Variants in KIRREL3 observed in about 807,000 individuals in gnomAD.
KIRREL3 encodes the protein kin of IRRE-like protein 3.
In KIRREL3, 36 loss-of-function variants were observed where a neutral mutation model predicts 89.7. The ratio of observed to expected loss-of-function variants is 0.40; its 90% CI spans 0.31 to 0.53. The LOEUF (loss-of-function observed/expected upper bound fraction) is 0.53. Ranked by LOEUF, KIRREL3 falls within the 20% of genes least tolerant of loss-of-function variation. KIRREL3 has a pLI of 0.49. For synonymous variants in KIRREL3, 445 were observed against 441.4 expected (o/e 1.01, Z -0.10); for missense variants, 864 against 1,056.6 (o/e 0.82, Z 2.53).
rs748876094 is a variant in KIRREL3 at position 126,515,159 on chromosome 11, C to T, written c.433+6156G>A. On this transcript the variant is annotated intron_variant, in intron 4 of 16. Coordinates refer to ENST00000525144, the MANE Select transcript of KIRREL3 (RefSeq NM_032531.4). The surrounding 1 kb of genome is among the most constrained non-coding windows in gnomAD (Gnocchi z 4.2). ...TAAGGAGGCTGGGCGCGATGGCTCA[C>T]GCCTGTAATCTCAGCATTTTAGGAG... 3.9e-5 allele frequency among the ~76,000 whole-genome samples: 6 copies of T among 152,192 alleles called. No homozygotes were observed. Among genetic ancestry groups the T allele is most frequent in the East Asian group, 3.9e-4 (2 of 5,190 alleles).
intron 1 of KIRREL3, among the ~76,000 whole-genome samples, chr11:126,982,493 T>C (rs1256416235): frequency 6.6e-6 from 1 of 152,210 alleles, no homozygotes; most frequent in African/African-American, 2.4e-5. Flanking sequence ...TTAAAGTACA[T>C]TAACTGAACT....
At position 126,431,257 on chromosome 11, in the gene KIRREL3, C is replaced by G. The variant is rs1955116978; in HGVS notation, c.1696+162G>C. 8 of 1,537,348 alleles carry G rather than the reference C, an allele frequency of 5.2e-6. No homozygotes were observed. In the South Asian group the frequency reaches 9.6e-5, roughly 19 times the overall value. Reference sequence around the variant, plus strand: ...TCTGCCAGGCGCCATGTTGCCCAGGCTCACATACACCGATGCATCAGACCC... The same window carrying G: ...TCTGCCAGGCGCCATGTTGCCCAGGGTCACATACACCGATGCATCAGACCC... On this transcript the variant is annotated intron_variant, in intron 14 of 16. Transcript: ENST00000525144. The surrounding 1 kb of genome is among the most constrained non-coding windows in gnomAD (Gnocchi z 7.1).
chr11:126,456,317 C>T (rs1328408991), intron 7 of KIRREL3, 32 bp downstream of exon 7: 4 of 1,465,668 alleles, frequency 2.7e-6, no homozygotes, highest in Non-Finnish European at 3.7e-6. Flanking sequence ...GGGCCAGTGG[C>T]CAGGCCGGGC....
At position 126,486,422 on chromosome 11, in the gene KIRREL3, G is replaced by C. The variant is rs1276420881; in HGVS notation, c.434-12956C>G. ...AGCGAGAGACTTTCTCCTTTCTCCA[G>C]CCCAGCTCCTATGCTGATGGCTGCA... On this transcript the variant is annotated intron_variant, in intron 4 of 16. Coordinates refer to ENST00000525144, the MANE Select transcript of KIRREL3 (RefSeq NM_032531.4). This position sits in a 1 kb window ranked among gnomAD's most constrained non-coding sequence, Gnocchi z 6.2. 4.6e-5 allele frequency among the ~76,000 whole-genome samples: 7 copies of C among 152,318 alleles called. No individual in the cohort carries two copies. The highest frequency in any genetic ancestry group is 7.4e-5 in the Non-Finnish European group (5 of 68,024).
In KIRREL3 at chr11:126,587,102, G is replaced by C. The variant is rs758111588; in HGVS notation, c.56-24190C>G. 4.6e-5 allele frequency among the ~76,000 whole-genome samples: 7 copies of C among 152,172 alleles called. No homozygotes were observed. The highest frequency in any genetic ancestry group is 1.0e-4 in the Non-Finnish European group (7 of 68,038). ...GCAACGACGATGCAGTGTGATGGAT[G>C]CTCCAGTGGAAGAGTCCAGAGCACC... is the stretch of plus-strand genomic sequence containing the variant. On this transcript the variant is annotated intron_variant, in intron 1 of 16. Transcript: ENST00000525144. This position sits in a 1 kb window ranked among gnomAD's most constrained non-coding sequence, Gnocchi z 5.2.
intron 15 of KIRREL3, 97 bp from the exon 16 acceptor site, chr11:126,425,821 G>T: frequency 1.0e-6 from 1 of 955,500 alleles, no homozygotes; most frequent in Non-Finnish European, 1.6e-6. Flanking sequence ...AGATTGCCCT[G>T]TATAACCCCC....
rs141241727 is a variant in KIRREL3 at position 126,781,808 on chromosome 11, T to G, written c.55+218647A>C. 2.1e-3 allele frequency among the ~76,000 whole-genome samples: 315 copies of G among 152,268 alleles called. 1 individual carries two copies. In the South Asian group the frequency reaches 0.025, roughly 12 times the overall value. ...CAAGAATAAAAGGAATGATGTTGCT[T>G]TTAAAAAAATTGAATATCATCAAAA... On this transcript the variant is annotated intron_variant, in intron 1 of 16. Transcript: ENST00000525144.
Position 126,908,012 on chromosome 11 carries a change from C to T in KIRREL3, c.55+92443G>A, listed in dbSNP as rs572340064. Among the ~76,000 whole-genome samples the T allele has an allele frequency of 4.6e-5, 7 of 152,218 alleles. No homozygotes were observed. Among genetic ancestry groups the T allele is most frequent in the East Asian group, 3.9e-4 (2 of 5,170 alleles). ...TTCTTGACCACCTGTGATGTCACAC[C>T]GCCACCCAAAAGACACCCCCCAAAT... On this transcript the variant is annotated intron_variant, in intron 1 of 16. Coordinates refer to ENST00000525144, the MANE Select transcript of KIRREL3 (RefSeq NM_032531.4). This position sits in a 1 kb window ranked among gnomAD's most constrained non-coding sequence, Gnocchi z 4.2.
rs1955040465 is a variant in KIRREL3, at chr11:126,429,150, G to A, written c.1806+29C>T. 2 of 1,409,542 alleles carry A rather than the reference G, an allele frequency of 1.4e-6. No individual in the cohort carries two copies. Among genetic ancestry groups the A allele is most frequent in the Admixed American group, 3.4e-5 (2 of 58,718 alleles). 87.3% of individuals were successfully genotyped at this position (1,409,542 alleles called of 1,614,324 possible). A position where few individuals can be genotyped will look rare whatever the true frequency, so the allele number is the denominator to read the frequency against. ...GGACCTTCTGGGAATGGAGTCACGGGATGGGATGGGGCGTAATTGCATTCT... is the reference window on the plus strand; with the variant it reads ...GGACCTTCTGGGAATGGAGTCACGGAATGGGATGGGGCGTAATTGCATTCT... On this transcript the variant is annotated intron_variant, in intron 15 of 16. Coordinates refer to ENST00000525144, the MANE Select transcript of KIRREL3 (RefSeq NM_032531.4). The surrounding 1 kb of genome is among the most constrained non-coding windows in gnomAD (Gnocchi z 5.2).
At position 126,635,399 on chromosome 11, in the gene KIRREL3, G is replaced by A. The variant is rs1394437393; in HGVS notation, c.56-72487C>T. On this transcript the variant is annotated intron_variant, in intron 1 of 16. Coordinates refer to ENST00000525144, the MANE Select transcript of KIRREL3 (RefSeq NM_032531.4). This position sits in a 1 kb window ranked among gnomAD's most constrained non-coding sequence, Gnocchi z 4.0. ...CCTCAGGGTTATGTTATGGATTGGAGGGAGCAGAGAAGCTTCCTCATTAAA... is the reference window on the plus strand; with the variant it reads ...CCTCAGGGTTATGTTATGGATTGGAAGGAGCAGAGAAGCTTCCTCATTAAA... Among the ~76,000 whole-genome samples, 2 of 152,224 alleles carry A rather than the reference G, an allele frequency of 1.3e-5. No individual in the cohort carries two copies. The highest frequency in any genetic ancestry group is 2.9e-5 in the Non-Finnish European group (2 of 68,046).
At chr11:126,932,012 T>A (rs1947967379) in intron 1 of KIRREL3, among the ~76,000 whole-genome samples, 1 of 152,224 alleles carries the variant, frequency 6.6e-6, no homozygotes, top group Non-Finnish European at 1.5e-5. Context: ...TCAAGGAGGC[T>A]TGGTATTGAT....
At chr11:126,745,270 A>G (rs1343719263) in intron 1 of KIRREL3, among the ~76,000 whole-genome samples, 1 of 152,238 alleles carries the variant, frequency 6.6e-6, no homozygotes, top group Non-Finnish European at 1.5e-5. Flanking sequence ...AGGCTTTCAA[A>G]TGAAGCTTTG....
chr11:126,436,720 A>C, intron 12 of KIRREL3, 91 bp downstream of exon 12: 1 of 1,405,790 alleles, frequency 7.1e-7, no homozygotes, highest in Non-Finnish European at 9.9e-7. Flanking sequence ...GCCCTGGCCC[A>C]CCTTGCAGCC....
chr11:126,933,317 G>A (rs933040055), intron 1 of KIRREL3, among the ~76,000 whole-genome samples: 1 of 151,858 alleles, frequency 6.6e-6, no homozygotes, highest in Non-Finnish European at 1.5e-5. Flanking sequence ...AAGTGAGTGA[G>A]CCTAAGTTCA....
chr11:126,452,100 T>A (rs901721872), intron 7 of KIRREL3, among the ~76,000 whole-genome samples: 1 of 152,140 alleles, frequency 6.6e-6, no homozygotes, highest in African/African-American at 2.4e-5. Context: ...TTTCTTGGCA[T>A]CAGACAGAAC....
chr11:126,976,252 C>T lies in KIRREL3; in HGVS notation c.55+24203G>A, dbSNP rs140963503. On this transcript the variant is annotated intron_variant, in intron 1 of 16. Coordinates refer to ENST00000525144, the MANE Select transcript of KIRREL3 (RefSeq NM_032531.4). This position sits in a 1 kb window ranked among gnomAD's most constrained non-coding sequence, Gnocchi z 4.2. The stretch of plus-strand genomic sequence containing the variant: ...ATTTGTTTATCAAATTTGTGAATAA[C>T]ACAACATCACAAAGGAGAGACAGAT... Among the ~76,000 whole-genome samples the T allele has an allele frequency of 2.8e-4, 42 of 152,112 alleles. No individual in the cohort carries two copies. The highest frequency in any genetic ancestry group is 1.0e-3 in the African/African-American group (42 of 41,412).
rs1477877854 is a variant in KIRREL3 at position 126,664,944 on chromosome 11, C to G, written c.56-102032G>C. On this transcript the variant is annotated intron_variant, in intron 1 of 16. Transcript: ENST00000525144. This position sits in a 1 kb window ranked among gnomAD's most constrained non-coding sequence, Gnocchi z 5.4. ...AGGCAGAATGAACTGTGCTCTTACT[C>G]TGCAGCCTTCGACACATTATTCATA... is the stretch of plus-strand genomic sequence containing the variant. Among the ~76,000 whole-genome samples the G allele has an allele frequency of 6.6e-6, 1 of 152,220 alleles. No homozygotes were observed. The highest frequency in any genetic ancestry group is 2.4e-5 in the African/African-American group (1 of 41,452).
chr11:126,920,111 T>G (rs767436930), intron 1 of KIRREL3: 1 of 152,236 alleles, frequency 6.6e-6, no homozygotes, highest in Non-Finnish European at 1.5e-5. Flanking sequence ...ATTGTACAGA[T>G]GAAAGTTTTC....
chr11:126,941,718 C>G (rs765877091), intron 1 of KIRREL3, among the ~76,000 whole-genome samples: 1 of 152,180 alleles, frequency 6.6e-6, no homozygotes, highest in Non-Finnish European at 1.5e-5. Flanking sequence ...CGCAGTCTTC[C>G]CAGAGTGGGC....
Sources: allele counts gnomAD v4.1 joint callset (sites outside exome capture counted in the v4.1 genomes callset), GRCh38; gene constraint gnomAD v4.1.1; non-coding constraint Gnocchi (gnomAD v3.1); transcripts MANE v1.5; gene names NCBI Gene and HGNC (gene_info 2026-07-23, HGNC 2026-07-21).